ELP1: variants seen among roughly 807,000 people sequenced by gnomAD.
ELP1 encodes elongator acetyltransferase complex subunit 1.
Under a neutral mutation model 183.2 loss-of-function variants are expected in ELP1, and 131 were observed. The observed-to-expected ratio is 0.72, with a 90% CI of 0.62 to 0.83. The LOEUF is 0.83. Ranked by LOEUF, ELP1 falls within the 40% of genes least tolerant of loss-of-function variation. ELP1 has a pLI of 0.00. For synonymous variants in ELP1, 555 were observed against 569.0 expected, an observed-to-expected ratio of 0.98 and a Z score of 0.35; for missense variants, 1,550 against 1,594.9, an observed-to-expected ratio of 0.97 and a Z score of 0.48.
chr9:108,923,832 T>C (rs577242574), intron 5 of ELP1, among the ~76,000 whole-genome samples: 1 of 152,166 alleles, frequency 6.6e-6, no homozygotes. Flanking sequence ...TTCCTGGAGG[T>C]AGGATCCATT....
At chr9:108,898,952 T>C (rs1432638002) in intron 20 of ELP1, among the ~76,000 whole-genome samples, 2 of 152,198 alleles carry the variant, frequency 1.3e-5, no homozygotes, top group African/African-American at 4.8e-5. Context: ...AGGTGTAATT[T>C]AGTCATCATG....
chr9:108,875,248 T>C (rs2118926228), intron 35 of ELP1, among the ~76,000 whole-genome samples: 1 of 152,348 alleles, frequency 6.6e-6, no homozygotes, highest in African/African-American at 2.4e-5. Flanking sequence ...TGGCCTTTTC[T>C]AAATGAGCAA....
chr9:108,896,743 G>C, intron 24 of ELP1, 99 bp from the exon 25 acceptor site: 3 of 1,195,546 alleles, frequency 2.5e-6, no homozygotes, highest in Non-Finnish European at 3.7e-6. Flanking sequence ...TTTCTCAATA[G>C]AACTGGACAT....
Position 108,878,734 on chromosome 9 carries a change from G to A in ELP1, c.3589C>T (p.Arg1197Cys), listed in dbSNP as rs370450007. 2.6e-5 allele frequency: 42 copies of A among 1,614,100 alleles called. No individual in the cohort carries two copies. Among genetic ancestry groups the A allele is most frequent in the Non-Finnish European group, 3.5e-5 (41 of 1,180,026 alleles). ...TGCTTCTTCCGCTCCGCTTTTCGGC[G>A]ATTCTTGGATGATCTCCTGTTAGAA... is the stretch of plus-strand genomic sequence containing the variant. ...SRISARSSKNRRKAERKKHSL... is the reference protein window; with the variant it reads ...SRISARSSKNCRKAERKKHSL... Residue 1197 changes from arginine to cysteine, a missense_variant, in exon 34 of 37, where the codon CGC becomes TGC. Arg to Cys is a radical substitution (Grantham distance 180). Coordinates refer to ENST00000374647, the MANE Select transcript of ELP1 (RefSeq NM_003640.5).
Position 108,906,892 on chromosome 9 carries a change from T to C in ELP1, c.1461-407A>G, listed in dbSNP as rs138913136. ...CTTTCCTAAGCACCTCACATTAAAC[T>C]GACTGACTAGCTTGAGAGATGGTCT... On this transcript the variant is annotated intron_variant, in intron 13 of 36. Coordinates refer to ENST00000374647, the MANE Select transcript of ELP1 (RefSeq NM_003640.5). 2.5e-3 allele frequency among the ~76,000 whole-genome samples: 386 copies of C among 152,294 alleles called. 3 individuals carry two copies. The highest frequency in any genetic ancestry group is 8.6e-3 in the African/African-American group (358 of 41,566).
intron 27 of ELP1, 119 bp from the exon 28 acceptor site, chr9:108,891,523 A>T: frequency 1.1e-6 from 1 of 892,742 alleles, no homozygotes; most frequent in Non-Finnish European, 1.8e-6. Context: ...ACCTGGGAAA[A>T]TCTTACAGTT....
intron 36 of ELP1, among the ~76,000 whole-genome samples, chr9:108,870,824 T>C (rs1345947211): frequency 6.6e-6 from 1 of 152,210 alleles, no homozygotes; most frequent in Non-Finnish European, 1.5e-5. Context: ...CTGGCACTGC[T>C]TCTTTTATGT....
At chr9:108,875,295 C>G (rs1387215807) in intron 35 of ELP1, among the ~76,000 whole-genome samples, 1 of 152,192 alleles carries the variant, frequency 6.6e-6, no homozygotes, top group Non-Finnish European at 1.5e-5. Context: ...GTAAAAGAGG[C>G]TACAAATACG....
intron 24 of ELP1, 52 bp downstream of exon 24, chr9:108,896,901 C>A: frequency 6.9e-7 from 1 of 1,451,524 alleles, no homozygotes; most frequent in East Asian, 2.3e-5. Context: ...CTGCAGAAGA[C>A]TAGTAGCAGT....
At position 108,905,868 on chromosome 9, in the gene ELP1, T is replaced by TACACACACAC. The variant is rs35044796; in HGVS notation, c.1643+425_1643+434dup. ...TATCTAAACATAGAAAAGGTATGTATACACACACACACACACACACACACA... is the reference window on the plus strand; with the variant it reads ...TATCTAAACATAGAAAAGGTATGTATACACACACACACACACACACACACACACACACACA... On this transcript the variant is annotated intron_variant, in intron 14 of 36. Coordinates refer to ENST00000374647, the MANE Select transcript of ELP1 (RefSeq NM_003640.5). Among the ~76,000 whole-genome samples the TACACACACAC allele has an allele frequency of 2.6e-3, 387 of 148,062 alleles. 4 individuals are homozygous for TACACACACAC. The highest frequency in any genetic ancestry group is 8.6e-3 in the African/African-American group (344 of 39,974).
intron 27 of ELP1, 39 bp downstream of exon 27, chr9:108,892,947 A>G (rs1263328055): frequency 6.8e-7 from 1 of 1,477,660 alleles, no homozygotes; most frequent in South Asian, 1.1e-5. Context: ...TAAAGCAAAA[A>G]GCAAAACCAG....
rs1348938695 is a variant in ELP1 at position 108,873,880 on chromosome 9, A to T, written c.3931+1015T>A. On this transcript the variant is annotated intron_variant, in intron 36 of 36. Coordinates refer to ENST00000374647, the MANE Select transcript of ELP1 (RefSeq NM_003640.5). ...TTTTTTTTTCTAAATGAAAAAACTT[A>T]AGAAAAAAAAAGGAATAAGTGGATA... 3.3e-5 allele frequency among the ~76,000 whole-genome samples: 5 copies of T among 152,012 alleles called. No individual in the cohort carries two copies. The East Asian group carries it at 9.7e-4, about 30-fold the overall frequency.
chr9:108,891,494 G>A, intron 27 of ELP1, 90 bp from the exon 28 acceptor site: 4 of 1,162,570 alleles, frequency 3.4e-6, no homozygotes, highest in Non-Finnish European at 5.1e-6. Flanking sequence ...CCTATACTTG[G>A]AACTCCCTTG....
intron 6 of ELP1, 36 bp from the exon 7 acceptor site, chr9:108,919,385 A>G: frequency 7.2e-7 from 1 of 1,387,686 alleles, no homozygotes; most frequent in Non-Finnish European, 1.0e-6. Flanking sequence ...TTACTGGGGG[A>G]CCTTAAGTAT....
intron 31 of ELP1, among the ~76,000 whole-genome samples, 200 bp downstream of exon 31, chr9:108,881,505 T>A (rs143155916): frequency 7.2e-4 from 110 of 152,352 alleles, no homozygotes; most frequent in Admixed American, 2.2e-3. Context: ...GTTTCTAACA[T>A]TTAAATATTT....
At chr9:108,886,285 GAA>G (rs1828118025) in intron 29 of ELP1, among the ~76,000 whole-genome samples, 1 of 152,084 alleles carries the variant, frequency 6.6e-6, no homozygotes, top group Non-Finnish European at 1.5e-5. Flanking sequence ...AAATCCTCCA[GAA>G]AACAGAAGTG....
intron 16 of ELP1, among the ~76,000 whole-genome samples, chr9:108,902,269 C>A (rs1344940208): frequency 6.6e-6 from 1 of 152,086 alleles, no homozygotes; most frequent in Non-Finnish European, 1.5e-5. Flanking sequence ...CCTTCCTGGA[C>A]CACCAGATGC....
At chr9:108,891,500 C>T (rs1371622820) in intron 27 of ELP1, 96 bp from the exon 28 acceptor site, 1 of 1,107,786 alleles carries the variant, frequency 9.0e-7, no homozygotes, top group Non-Finnish European at 1.4e-6. Context: ...CTTGGAACTC[C>T]CTTGAAAGAA....
At chr9:108,917,774 A>T in intron 8 of ELP1, 104 bp from the exon 9 acceptor site, 1 of 1,200,026 alleles carries the variant, frequency 8.3e-7, no homozygotes, top group Non-Finnish European at 1.2e-6. Context: ...TGAATGAATG[A>T]ACGAATTAAT....
Sources: gnomAD v4.1 joint callset for allele counts (sites outside exome capture counted in the v4.1 genomes callset) on GRCh38, gnomAD v4.1.1 for gene constraint, MANE v1.5 for transcripts, NCBI Gene and HGNC (gene_info 2026-07-23, HGNC 2026-07-21) for gene names.